MED23: variants seen among roughly 807,000 people sequenced by gnomAD.
The protein encoded by MED23 is mediator complex subunit 23, also known as mediator of RNA polymerase II transcription subunit 23.
MED23 carries 105 observed loss-of-function variants against 163.9 expected under a neutral mutation model. The ratio of observed to expected loss-of-function variants is 0.64; its 90% CI spans 0.55 to 0.75. MED23 has a LOEUF of 0.75. Ranked by LOEUF, MED23 falls within the 30% of genes least tolerant of loss-of-function variation. MED23 has a pLI of 0.00. For missense variants in MED23, 1,054 were observed against 1,649.0 expected (o/e 0.64, Z 6.25); for synonymous variants, 561 against 565.6 (o/e 0.99, Z 0.12).
intron 3 of MED23, among the ~76,000 whole-genome samples, chr6:131,626,352 A>T (rs1325030723): frequency 6.6e-6 from 1 of 152,070 alleles, no homozygotes; most frequent in African/African-American, 2.4e-5. Flanking sequence ...CTTAGAAGAC[A>T]GTAGAAGATT....
At chr6:131,583,934 C>T, downstream of MED23, 2 of 1,609,406 alleles carry the variant, frequency 1.2e-6, no homozygotes, top group Non-Finnish European at 1.7e-6. Context: ...ATATAAATCT[C>T]ATAGTTAATG....
downstream of MED23, chr6:131,583,617 T>C (rs951946102): frequency 1.1e-5 from 17 of 1,516,228 alleles, no homozygotes; most frequent in Non-Finnish European, 1.5e-5. Context: ...CATGATGCAA[T>C]AACTAAAGTG....
intron 26 of MED23, 105 bp from the exon 27 acceptor site, chr6:131,590,547 A>T (rs971089264): frequency 1.3e-6 from 1 of 742,562 alleles, no homozygotes; most frequent in East Asian, 3.0e-5. Flanking sequence ...ATAATTTTTT[A>T]AAGTTCCTTT....
At chr6:131,604,412 G>T in intron 14 of MED23, 92 bp from the exon 15 acceptor site, 2 of 1,330,052 alleles carry the variant, frequency 1.5e-6, no homozygotes, top group Non-Finnish European at 2.1e-6. Flanking sequence ...GTATAAATCT[G>T]AACTTAAATG....
At chr6:131,621,322 A>G (rs1037972663) in intron 6 of MED23, among the ~76,000 whole-genome samples, 2 of 152,036 alleles carry the variant, frequency 1.3e-5, no homozygotes, top group Non-Finnish European at 2.9e-5. Flanking sequence ...TGTTATCATT[A>G]TAAAAAAATA....
chr6:131,606,400 A>C (rs976832958), intron 13 of MED23, 79 bp downstream of exon 13: 3 of 1,502,752 alleles, frequency 2.0e-6, no homozygotes, highest in Non-Finnish European at 2.8e-6. Flanking sequence ...AATTTCACAC[A>C]AACACCGAGA....
intron 26 of MED23, among the ~76,000 whole-genome samples, chr6:131,590,906 C>T (rs1465472093): frequency 4.0e-5 from 6 of 151,408 alleles, no homozygotes; most frequent in African/African-American, 9.7e-5. Context: ...CATGAGTCAC[C>T]GCGCCCAGCC....
downstream of MED23, among the ~76,000 whole-genome samples, chr6:131,582,338 G>C (rs940497340): frequency 2.6e-5 from 4 of 152,154 alleles, no homozygotes; most frequent in African/African-American, 9.7e-5. Context: ...AGCTACCAAA[G>C]TAATGGGAGC....
chr6:131,590,197 G>T, intron 27 of MED23, 125 bp downstream of exon 27: 1 of 884,760 alleles, frequency 1.1e-6, no homozygotes, highest in Non-Finnish European at 1.8e-6. Flanking sequence ...AATTGCTCTT[G>T]GATCCTGTTA....
At chr6:131,581,688 T>C (rs979076290) in intron 30 of MED23, among the ~76,000 whole-genome samples, 5 of 152,338 alleles carry the variant, frequency 3.3e-5, no homozygotes, top group East Asian at 1.9e-4. Context: ...CCAAGATATA[T>C]GCCAAGCCTA....
In MED23 at chr6:131,594,938, C is replaced by T. The variant is rs182279100; in HGVS notation, c.2996-603G>A. Among the ~76,000 whole-genome samples the T allele has an allele frequency of 3.5e-4, 53 of 152,304 alleles. No homozygotes were observed. In the East Asian group the frequency reaches 8.9e-3, roughly 25 times the overall value. ...CTGGAGGCCAGGATGGGACTAATTACCTTTCACTGTATACTCCACCCCATC... is the reference window on the plus strand; with the variant it reads ...CTGGAGGCCAGGATGGGACTAATTATCTTTCACTGTATACTCCACCCCATC... On this transcript the variant is annotated intron_variant, in intron 22 of 28. Coordinates refer to ENST00000368068, the MANE Select transcript of MED23 (RefSeq NM_004830.4).
chr6:131,602,930 T>TAAAA, intron 16 of MED23, 100 bp downstream of exon 16: 1 of 1,005,746 alleles, frequency 9.9e-7, no homozygotes, highest in Non-Finnish European at 1.4e-6. Context: ...TGAATAATAA[T>TAAAA]AAAAAAAAAA....
chr6:131,585,892 A>G (rs1184823369), downstream of MED23, among the ~76,000 whole-genome samples: 1 of 152,232 alleles, frequency 6.6e-6, no homozygotes, highest in Non-Finnish European at 1.5e-5. Flanking sequence ...TGAATTTGTA[A>G]TAAATTAATT....
At position 131,590,588 on chromosome 6, in the gene MED23, T is replaced by A; in HGVS notation, c.3687-146A>T. On this transcript the variant is annotated intron_variant, in intron 26 of 28. Transcript: ENST00000368068. ...TGGTAACAATAATATTTCTAATTAA[T>A]CTCACATCTCTCACTGGCTATTACT... 3 of 531,720 alleles carry A rather than the reference T, an allele frequency of 5.6e-6. 1 individual carries two copies. The highest frequency in any genetic ancestry group is 9.9e-6 in the Non-Finnish European group (3 of 304,362). 32.9% of individuals were successfully genotyped at this position (531,720 alleles called of 1,614,324 possible). A position where few individuals can be genotyped will look rare whatever the true frequency, so the allele number is the denominator to read the frequency against.
At chr6:131,624,543 T>A (rs142402333) in intron 4 of MED23, among the ~76,000 whole-genome samples, 2 of 152,160 alleles carry the variant, frequency 1.3e-5, no homozygotes, top group Non-Finnish European at 1.5e-5. Context: ...ACTAAAACCA[T>A]GAATAATTTT....
At chr6:131,619,123 T>C (rs1192362766) in intron 8 of MED23, among the ~76,000 whole-genome samples, 1 of 152,214 alleles carries the variant, frequency 6.6e-6, no homozygotes, top group Non-Finnish European at 1.5e-5. Flanking sequence ...CTACTTTGCT[T>C]CCATAATTCA....
In MED23 at chr6:131,578,956, C is replaced by T. The variant is rs910570845; in HGVS notation, c.4096-4661G>A. 1.3e-5 allele frequency: 10 copies of T among 793,586 alleles called. No individual in the cohort carries two copies. The African/African-American group carries it at 1.7e-4, about 14-fold the overall frequency. 49.2% of individuals were successfully genotyped at this position (793,586 alleles called of 1,614,324 possible). On this transcript the variant is annotated intron_variant, in intron 30 of 30. Coordinates refer to the MED23 transcript ENST00000354577. ...TAACATGACGTCAAGCAAAAGCAGACATGGGTCTACCTTCCCAAGATTTAC... is the reference window on the plus strand; with the variant it reads ...TAACATGACGTCAAGCAAAAGCAGATATGGGTCTACCTTCCCAAGATTTAC...
intron 15 of MED23, among the ~76,000 whole-genome samples, chr6:131,603,607 A>G (rs1775643965): frequency 6.6e-6 from 1 of 152,188 alleles, no homozygotes; most frequent in Non-Finnish European, 1.5e-5. Context: ...CCTACCCCCA[A>G]GAAAGTTTTG....
chr6:131,584,095 A>G (rs1402847913), downstream of MED23: 8 of 667,888 alleles, frequency 1.2e-5, no homozygotes, highest in Middle Eastern at 4.2e-4. Flanking sequence ...CTTTTTTGAA[A>G]TTTAAAAGCT....
Sources: allele counts gnomAD v4.1 joint callset (sites outside exome capture counted in the v4.1 genomes callset), GRCh38; gene constraint gnomAD v4.1.1; transcripts MANE v1.5; gene names NCBI Gene and HGNC (gene_info 2026-07-23, HGNC 2026-07-21).